The following TNS1 variants were observed in gnomAD, a reference collection of about 807,000 sequenced individuals.
The protein encoded by TNS1 is tensin 1, also known as tensin-1.
A neutral mutation model predicts 168.6 loss-of-function variants in TNS1; 62 were observed. The ratio of observed to expected loss-of-function variants is 0.37; its 90% CI spans 0.30 to 0.45. The LOEUF (loss-of-function observed/expected upper bound fraction) is 0.45. Among genes scored for constraint, TNS1 ranks in the 20% least tolerant of loss-of-function variants. The pLI is 1.00. For synonymous variants in TNS1, 934 were observed against 933.2 expected (o/e 1.00, Z -0.02); for missense variants, 2,240 against 2,339.4 (o/e 0.96, Z 0.88).
In TNS1 at chr2:217,831,380, C is replaced by T. The variant is rs933255584; in HGVS notation, c.3373+75G>A. 3.7e-6 allele frequency: 5 copies of T among 1,340,434 alleles called. No homozygotes were observed. In the African/African-American group the frequency reaches 7.5e-5, roughly 20 times the overall value. 83.0% of individuals were successfully genotyped at this position (1,340,434 alleles called of 1,614,324 possible). A position where few individuals can be genotyped will look rare whatever the true frequency, so the allele number is the denominator to read the frequency against. ...CTGGCTGCTGACCAGATTCTGAGAC[C>T]CGGGTTTCTGTCCAGAACCACAGGA... On this transcript the variant is annotated intron_variant, in intron 22 of 32. Transcript: ENST00000682258.
chr2:217,808,295 C>T (rs531732451), intron 31 of TNS1, among the ~76,000 whole-genome samples, 188 bp from the exon 32 acceptor site: 3 of 149,804 alleles, frequency 2.0e-5, no homozygotes, highest in African/African-American at 7.3e-5. Flanking sequence ...CATTCAAGGT[C>T]GAGAGAACAC....
chr2:217,974,024 C>T (rs1157325672), intron 3 of TNS1, among the ~76,000 whole-genome samples: 1 of 152,154 alleles, frequency 6.6e-6, no homozygotes, highest in Non-Finnish European at 1.5e-5. Flanking sequence ...TGAAATACGC[C>T]GGATACAAAA....
rs761591604 is a variant in TNS1 at position 217,847,823 on chromosome 2, C to T, written c.2694G>A (p.Leu898=). The T allele has an allele frequency of 6.3e-7, 1 of 1,596,462 alleles. No individual in the cohort carries two copies. The highest frequency in any genetic ancestry group is 8.6e-7 in the Non-Finnish European group (1 of 1,165,524). Residue 898 remains leucine, a synonymous_variant, in exon 19 of 33, where the codon TTG becomes TTA. Coordinates refer to ENST00000682258, the MANE Select transcript of TNS1 (RefSeq NM_001387777.1). ...CCCGTGGGGCTGGCTCAGGGGTTCC[C>T]AACGAATGCCCACTGGGGATATAGC... The part of the protein sequence containing the change: ...RSGYIPSGHS[L]GTPEPAPRAS...
intron 3 of TNS1, among the ~76,000 whole-genome samples, chr2:217,957,399 G>A (rs747951155): frequency 3.3e-5 from 5 of 152,206 alleles, no homozygotes; most frequent in East Asian, 1.9e-4. Context: ...GGGACAGGAC[G>A]GTGGGACTGG....
upstream of TNS1, among the ~76,000 whole-genome samples, chr2:218,011,604 C>T (rs977811474): frequency 1.3e-5 from 2 of 152,132 alleles, no homozygotes; most frequent in African/African-American, 4.8e-5. Context: ...CTCTCCTGCA[C>T]CAGCCAGGGT....
intron 25 of TNS1, chr2:217,814,024 C>T (rs1941453536): frequency 2.2e-6 from 1 of 455,166 alleles, no homozygotes; most frequent in Non-Finnish European, 3.7e-6. Flanking sequence ...TTTTGTGAGA[C>T]CGGGCCTCAC....
At position 217,849,051 on chromosome 2, in the gene TNS1, C is replaced by T; in HGVS notation, c.1466G>A (p.Ser489Asn). The T allele has an allele frequency of 6.2e-7, 1 of 1,613,338 alleles. No homozygotes were observed. Among genetic ancestry groups the T allele is most frequent in the Non-Finnish European group, 8.5e-7 (1 of 1,179,720 alleles). Residue 489 changes from serine (S) to asparagine (N), a missense_variant, in exon 19 of 33, where the codon AGC (serine) becomes AAC (asparagine). Ser to Asn is a conservative substitution (Grantham distance 46). Around this residue, in one of 2 missense-constraint regions of TNS1, gnomAD observed 2,131 missense variants for 2,171.2 expected, o/e 0.98. Coordinates refer to ENST00000682258, the MANE Select transcript of TNS1 (RefSeq NM_001387777.1). ...VGHTQGPLDG[S>N]LYAKVKKKDS... is the part of the protein sequence containing the mutation. ...TTTCTTCTTCACCTTAGCATACAGG[C>T]TCCCATCTAGTGGCCCCTGCGTGTG...
intron 3 of TNS1, among the ~76,000 whole-genome samples, chr2:217,953,353 A>G (rs873817): frequency 0.044 from 6,673 of 152,308 alleles, 496 homozygotes; most frequent in African/African-American, 0.15. Flanking sequence ...CATTGTGTTC[A>G]GGCTGTGAGC....
At position 217,849,055 on chromosome 2, in the gene TNS1, C is replaced by T; in HGVS notation, c.1462G>A (p.Gly488Arg). ...VVGHTQGPLD[G>R]SLYAKVKKKD... ...TTCTTCACCTTAGCATACAGGCTCCCATCTAGTGGCCCCTGCGTGTGTCCC... is the reference window on the plus strand; with the variant it reads ...TTCTTCACCTTAGCATACAGGCTCCTATCTAGTGGCCCCTGCGTGTGTCCC... The change falls in exon 19 of 33, where the codon GGG (glycine) becomes AGG (arginine). Residue 488 changes from glycine to arginine, a missense_variant. Physicochemically the swap from Gly to Arg is moderately radical, Grantham distance 125. Coordinates refer to ENST00000682258, the MANE Select transcript of TNS1 (RefSeq NM_001387777.1). The T allele has an allele frequency of 2.5e-6, 4 of 1,613,116 alleles. No individual in the cohort carries two copies. The highest frequency in any genetic ancestry group is 3.4e-6 in the Non-Finnish European group (4 of 1,179,618).
chr2:217,882,909 C>T (rs1301222085), intron 16 of TNS1, among the ~76,000 whole-genome samples: 1 of 152,162 alleles, frequency 6.6e-6, no homozygotes, highest in African/African-American at 2.4e-5. Context: ...GGTCCTCCTA[C>T]CTCTGCCTCC....
intron 4 of TNS1, among the ~76,000 whole-genome samples, chr2:217,916,585 A>T (rs1478342066): frequency 6.6e-6 from 1 of 152,162 alleles, no homozygotes; most frequent in Non-Finnish European, 1.5e-5. Context: ...TTGCCTCTCC[A>T]TCCTGCCCCA....
intron 18 of TNS1, among the ~76,000 whole-genome samples, chr2:217,875,405 A>G (rs1213750874): frequency 6.6e-6 from 1 of 152,168 alleles, no homozygotes; most frequent in African/African-American, 2.4e-5. Context: ...AGGTCTTCAC[A>G]AGTCATGAAA....
At chr2:217,943,929 C>G (rs986784579) in intron 3 of TNS1, 1 of 153,108 alleles carries the variant, frequency 6.5e-6, no homozygotes, top group Non-Finnish European at 1.5e-5. Context: ...AGGACAGGGG[C>G]GGTGGCCAGT....
upstream of TNS1, among the ~76,000 whole-genome samples, chr2:218,005,935 G>T (rs571182529): frequency 6.6e-6 from 1 of 152,300 alleles, no homozygotes; most frequent in South Asian, 2.1e-4. Context: ...CGCAGGCCTG[G>T]ATGGTTTCAT....
In TNS1 at chr2:217,818,492, C is replaced by T. The variant is rs1395201647; in HGVS notation, c.3840G>A (p.Gly1280=). ...CTGTTCTGTGGCGCGCCTGAGGGCT[C>T]CCAGGCACCGTGTGGACGCCAGCCA... is the stretch of plus-strand genomic sequence containing the variant. ...FSVAGVHTVP[G]SPQARHRTVG... The change falls in exon 24 of 33, where the codon GGG becomes GGA. Residue 1280 remains glycine, a synonymous_variant. Transcript: ENST00000682258. 6.2e-7 allele frequency: 1 copy of T among 1,614,234 alleles called. No homozygotes were observed. Among genetic ancestry groups the T allele is most frequent in the East Asian group, 2.2e-5 (1 of 44,872 alleles).
chr2:217,801,421 G>A lies in TNS1; in HGVS notation c.*3038C>T, dbSNP rs576028634. On this transcript the variant is annotated 3_prime_UTR_variant, in exon 33 of 33. Coordinates refer to ENST00000682258, the MANE Select transcript of TNS1 (RefSeq NM_001387777.1). ...CCAGCTGGACAGCTGGTGGCAGCAC[G>A]GGACTGAACCTGCTGGGGTCTGCGT... is the stretch of plus-strand genomic sequence containing the variant. The A allele has an allele frequency of 6.6e-6, 1 of 152,366 alleles. No individual in the cohort carries two copies. The highest frequency in any genetic ancestry group is 1.5e-5 in the Non-Finnish European group (1 of 68,080). The allele number at this position is 152,366 out of a possible 1,614,324, so 9.4% of individuals were successfully genotyped here.
intron 1 of TNS1, among the ~76,000 whole-genome samples, chr2:218,031,607 G>A (rs1410477386): frequency 6.6e-6 from 1 of 152,098 alleles, no homozygotes; most frequent in Non-Finnish European, 1.5e-5. Context: ...GCACCCATAG[G>A]TTACATCAGA....
Position 217,873,650 on chromosome 2 carries a change from G to A in TNS1, c.1429+7248C>T, listed in dbSNP as rs369113463. Among the ~76,000 whole-genome samples, 183 of 152,258 alleles carry A rather than the reference G, an allele frequency of 1.2e-3. 1 individual carries two copies. Among genetic ancestry groups the A allele is most frequent in the African/African-American group, 4.0e-3 (166 of 41,548 alleles). On this transcript the variant is annotated intron_variant, in intron 18 of 32. Coordinates refer to ENST00000682258, the MANE Select transcript of TNS1 (RefSeq NM_001387777.1). ...TCAGCAGGAGGAGGCTGGAGGGAGCGAAGGATGACTGGGCTGAGGAAGGGG... is the reference window on the plus strand; with the variant it reads ...TCAGCAGGAGGAGGCTGGAGGGAGCAAAGGATGACTGGGCTGAGGAAGGGG...
At chr2:217,805,584 A>T (rs894961598) in intron 32 of TNS1, among the ~76,000 whole-genome samples, 8 of 3,338 alleles carry the variant, frequency 2.4e-3, no homozygotes, top group Admixed American at 3.4e-3. Context: ...CCACACACAC[A>T]ACACACACCA....
Sources: allele counts gnomAD v4.1 joint callset (sites outside exome capture counted in the v4.1 genomes callset), GRCh38; gene constraint gnomAD v4.1.1; regional missense constraint gnomAD v4.1.1; transcripts MANE v1.5; gene names NCBI Gene and HGNC (gene_info 2026-07-23, HGNC 2026-07-21).